Variants in GPC5 observed in about 807,000 individuals in gnomAD.
The protein encoded by GPC5 is glypican-5.
GPC5 carries 47 observed loss-of-function variants against 53.9 expected under a neutral mutation model. That is an observed-to-expected ratio of 0.87 (90% CI 0.69 to 1.11). The LOEUF is 1.11. Among genes scored for constraint, GPC5 ranks in the 50% most tolerant of loss-of-function variants. The pLI is 0.00. For missense variants in GPC5, 748 were observed against 713.1 expected (o/e 1.05, Z -0.56); for synonymous variants, 286 against 263.3 (o/e 1.09, Z -0.84).
intron 7 of GPC5, among the ~76,000 whole-genome samples, chr13:92,452,013 G>A (rs1878080020): frequency 6.6e-6 from 1 of 152,104 alleles, no homozygotes; most frequent in Non-Finnish European, 1.5e-5. Context: ...ATAGGATTGG[G>A]AGCAACCCAG....
At chr13:92,445,693 AT>A (rs1877787856) in intron 7 of GPC5, among the ~76,000 whole-genome samples, 1 of 151,508 alleles carries the variant, frequency 6.6e-6, no homozygotes, top group Non-Finnish European at 1.5e-5. Context: ...TATGTGCCAC[AT>A]TTTCTTAATC....
intron 2 of GPC5, among the ~76,000 whole-genome samples, chr13:91,449,374 T>C (rs1333124043): frequency 6.6e-6 from 1 of 152,128 alleles, no homozygotes; most frequent in Non-Finnish European, 1.5e-5. Context: ...TACTTTAAAT[T>C]CTGAGATACA....
chr13:91,625,178 A>T (rs2033966129), intron 2 of GPC5, among the ~76,000 whole-genome samples: 1 of 151,772 alleles, frequency 6.6e-6, no homozygotes, highest in South Asian at 2.1e-4. Flanking sequence ...TACATAGGCC[A>T]AAGAGATTGA....
rs747824538 is a variant in GPC5 at position 92,211,306 on chromosome 13, T to TA, written c.1561+66321dup. Among the ~76,000 whole-genome samples, 22 of 152,318 alleles carry TA rather than the reference T, an allele frequency of 1.4e-4. 1 individual carries two copies. In the Middle Eastern group the frequency reaches 0.014, roughly 94 times the overall value. The stretch of plus-strand genomic sequence containing the variant: ...TATGTTTTCTAAAAGTCAGTTTTAT[T>TA]AAAAGTGTTTTTTGGCTGCCAATTT... On this transcript the variant is annotated intron_variant, in intron 7 of 7. Coordinates refer to ENST00000377067, the MANE Select transcript of GPC5 (RefSeq NM_004466.6).
intron 1 of GPC5, among the ~76,000 whole-genome samples, chr13:91,407,956 A>G (rs1193543436): frequency 1.3e-5 from 2 of 152,198 alleles, no homozygotes; most frequent in East Asian, 1.9e-4. Context: ...TTTACCACAT[A>G]CAACATGATG....
At chr13:91,649,531 T>C (rs911233743) in intron 2 of GPC5, among the ~76,000 whole-genome samples, 2 of 152,220 alleles carry the variant, frequency 1.3e-5, no homozygotes, top group African/African-American at 4.8e-5. Flanking sequence ...CTAACTGCCA[T>C]GAAATTAATC....
intron 5 of GPC5, among the ~76,000 whole-genome samples, chr13:91,872,216 T>A (rs1043919973): frequency 3.3e-5 from 5 of 151,808 alleles, no homozygotes; most frequent in African/African-American, 1.2e-4. Context: ...GGCTAAGGAG[T>A]ACAGTAGCAA....
intron 2 of GPC5, among the ~76,000 whole-genome samples, chr13:91,488,937 T>TG (rs969579524): frequency 1.4e-4 from 22 of 152,290 alleles, no homozygotes; most frequent in East Asian, 9.7e-4. Flanking sequence ...ATGGCCGCTT[T>TG]GGGGGCGGCT....
At chr13:91,431,067 A>T (rs958378591) in intron 1 of GPC5, among the ~76,000 whole-genome samples, 12 of 151,808 alleles carry the variant, frequency 7.9e-5, no homozygotes, top group Non-Finnish European at 1.6e-4. Flanking sequence ...TAGAGATGGG[A>T]TTTTGTTTGC....
chr13:92,810,807 G>C (rs1217347893), intron 7 of GPC5, among the ~76,000 whole-genome samples: 2 of 151,884 alleles, frequency 1.3e-5, no homozygotes, highest in African/African-American at 4.9e-5. Flanking sequence ...TGCAACCTTT[G>C]CCTCCTGGGT....
At chr13:91,452,144 C>T (rs561719227) in intron 2 of GPC5, among the ~76,000 whole-genome samples, 62 of 152,038 alleles carry the variant, frequency 4.1e-4, no homozygotes, top group Non-Finnish European at 8.2e-4. Flanking sequence ...GACACCTTGC[C>T]TGGCTAATTT....
At chr13:91,828,643 A>G (rs2038611459) in intron 5 of GPC5, among the ~76,000 whole-genome samples, 2 of 152,052 alleles carry the variant, frequency 1.3e-5, no homozygotes, top group South Asian at 4.1e-4. Context: ...TTCTCAAAGA[A>G]TGTTAGATAC....
intron 7 of GPC5, among the ~76,000 whole-genome samples, chr13:92,613,786 G>A (rs1272871749): frequency 6.7e-6 from 1 of 149,052 alleles, no homozygotes. Context: ...TGAGCACGGA[G>A]GTCAAGGCTG....
intron 7 of GPC5, among the ~76,000 whole-genome samples, chr13:92,548,961 G>A (rs2139013144): frequency 6.6e-6 from 1 of 152,180 alleles, no homozygotes; most frequent in East Asian, 1.9e-4. Flanking sequence ...GTGACAGGTG[G>A]TACAATATAC....
chr13:91,461,581 T>G (rs661138), intron 2 of GPC5, among the ~76,000 whole-genome samples: 114,778 of 152,014 alleles, frequency 0.76, 46,398 homozygotes, highest in Non-Finnish European at 0.91. Context: ...GAGGATTAAT[T>G]GAGGTAGTCC....
At chr13:91,978,092 C>T (rs1395687509) in intron 6 of GPC5, among the ~76,000 whole-genome samples, 1 of 152,128 alleles carries the variant, frequency 6.6e-6, no homozygotes, top group Non-Finnish European at 1.5e-5. Context: ...GAGGTCGAGG[C>T]TGCAGTAAGC....
intron 7 of GPC5, among the ~76,000 whole-genome samples, chr13:92,758,858 T>G: frequency 6.6e-6 from 1 of 152,220 alleles, no homozygotes; most frequent in Admixed American, 6.5e-5. Context: ...TTTTATGATT[T>G]CCAGTCTCAT....
chr13:91,757,841 G>A (rs1359659470), intron 5 of GPC5, among the ~76,000 whole-genome samples: 1 of 151,976 alleles, frequency 6.6e-6, no homozygotes, highest in Non-Finnish European at 1.5e-5. Context: ...AAAGTGATGA[G>A]TTCATTTAAA....
chr13:92,398,195 C>T (rs1260405852), intron 7 of GPC5, among the ~76,000 whole-genome samples: 3 of 151,492 alleles, frequency 2.0e-5, no homozygotes, highest in Non-Finnish European at 2.9e-5. Flanking sequence ...TTTGGGAGGC[C>T]GAGGCGGGCG....
Sources: gnomAD v4.1 joint callset for allele counts (sites outside exome capture counted in the v4.1 genomes callset) on GRCh38, gnomAD v4.1.1 for gene constraint, MANE v1.5 for transcripts, NCBI Gene and HGNC (gene_info 2026-07-23, HGNC 2026-07-21) for gene names.